LRRTM4: variants seen among roughly 807,000 people sequenced by gnomAD.
LRRTM4 encodes leucine rich repeat transmembrane neuronal 4, also known as leucine-rich repeat transmembrane neuronal protein 4.
LRRTM4 carries 25 observed loss-of-function variants against 47.6 expected under a neutral mutation model. The ratio of observed to expected loss-of-function variants is 0.53; its 90% confidence interval spans 0.38 to 0.73. The LOEUF (loss-of-function observed/expected upper bound fraction) is 0.73, where lower values mean the gene tolerates loss of function less well. Ranked by LOEUF, LRRTM4 falls within the 30% of genes least tolerant of loss-of-function variation. LRRTM4 has a pLI of 0.00. For missense variants in LRRTM4, 638 were observed against 713.4 expected (o/e 0.89, Z 1.20); for synonymous variants, 311 against 269.5 (o/e 1.15, Z -1.51).
intron 3 of LRRTM4, among the ~76,000 whole-genome samples, chr2:76,976,135 A>G (rs1027312511): frequency 6.6e-6 from 1 of 151,798 alleles, no homozygotes; most frequent in Non-Finnish European, 1.5e-5. Flanking sequence ...GTTTTTAGAC[A>G]TGCTCTGTAA....
intron 3 of LRRTM4, among the ~76,000 whole-genome samples, chr2:77,184,131 T>G (rs986009731): frequency 1.3e-5 from 2 of 151,852 alleles, no homozygotes; most frequent in African/African-American, 4.8e-5. Flanking sequence ...AATCAGAATA[T>G]ATCTAGTAAA....
rs754540782 is a variant in LRRTM4 at position 77,207,866 on chromosome 2, C to CTTTTTTTTTTTTTT, written c.1551+310438_1551+310451dup. Among the ~76,000 whole-genome samples the CTTTTTTTTTTTTTT allele has an allele frequency of 4.2e-4, 18 of 42,612 alleles. 3 individuals are homozygous for CTTTTTTTTTTTTTT. The highest frequency in any genetic ancestry group is 5.6e-4 in the Non-Finnish European group (14 of 24,880). 28.0% of individuals were successfully genotyped at this position (42,612 alleles called of 152,430 possible). On this transcript the variant is annotated intron_variant, in intron 3 of 3. Transcript: ENST00000409884. ...ATGAAAGTTGAATAAGGGAAAGTGGCTTTTTTTTTTTTTTTTTTTTTTTTT... is the reference window on the plus strand; with the variant it reads ...ATGAAAGTTGAATAAGGGAAAGTGGCTTTTTTTTTTTTTTTTTTTTTTTTTTTTTTTTTTTTTTT...
intron 3 of LRRTM4, among the ~76,000 whole-genome samples, chr2:77,363,300 ATAT>A (rs949001505): frequency 6.6e-6 from 1 of 152,234 alleles, no homozygotes. Context: ...TTGGAATTGA[ATAT>A]TAAAAAGAAA....
chr2:77,377,672 A>G (rs1310531964), intron 3 of LRRTM4, among the ~76,000 whole-genome samples: 4 of 152,006 alleles, frequency 2.6e-5, no homozygotes, highest in African/African-American at 9.7e-5. Context: ...ACAGCTAAAA[A>G]CTAAATCTTA....
At chr2:76,781,726 C>T (rs528721621) in intron 3 of LRRTM4, among the ~76,000 whole-genome samples, 160 of 150,636 alleles carry the variant, frequency 1.1e-3, no homozygotes, top group African/African-American at 3.7e-3. Context: ...GCGTCGCTCA[C>T]GCTGGGAGCT....
chr2:77,062,481 G>T (rs938705329), intron 3 of LRRTM4, among the ~76,000 whole-genome samples: 2 of 152,090 alleles, frequency 1.3e-5, no homozygotes, highest in African/African-American at 4.8e-5. Flanking sequence ...ATTTTAATCA[G>T]TGTTTAAACT....
chr2:76,974,173 C>CATATATATACATACATAT (rs1676322752), intron 3 of LRRTM4, among the ~76,000 whole-genome samples: 1 of 130,344 alleles, frequency 7.7e-6, no homozygotes, highest in African/African-American at 3.0e-5. Flanking sequence ...TATATACATA[C>CATATATATACATACATAT]ATATATATAC....
intron 3 of LRRTM4, among the ~76,000 whole-genome samples, chr2:76,892,510 T>C (rs778177230): frequency 6.6e-6 from 1 of 151,758 alleles, no homozygotes; most frequent in East Asian, 1.9e-4. Context: ...TTTCTCCTAA[T>C]TTATGCTTTC....
chr2:77,483,465 C>T (rs1418156962), intron 3 of LRRTM4, among the ~76,000 whole-genome samples: 1 of 152,010 alleles, frequency 6.6e-6, no homozygotes, highest in Non-Finnish European at 1.5e-5. Context: ...CTCAGCCTCC[C>T]AAGTAGCTGG....
At chr2:76,818,871 T>C (rs1670974575) in intron 3 of LRRTM4, among the ~76,000 whole-genome samples, 1 of 151,752 alleles carries the variant, frequency 6.6e-6, no homozygotes, top group African/African-American at 2.4e-5. Context: ...AGGTTAAAAG[T>C]TGAGGTATAT....
At chr2:77,471,881 T>C (rs536544553) in intron 3 of LRRTM4, among the ~76,000 whole-genome samples, 1 of 152,308 alleles carries the variant, frequency 6.6e-6, no homozygotes, top group African/African-American at 2.4e-5. Flanking sequence ...GTTTATCTAA[T>C]TATGTGTAAA....
At chr2:77,333,040 G>C (rs1295264448) in intron 3 of LRRTM4, among the ~76,000 whole-genome samples, 1 of 152,134 alleles carries the variant, frequency 6.6e-6, no homozygotes, top group Non-Finnish European at 1.5e-5. Context: ...AAAAATGGCA[G>C]TTTTTGTGCA....
intron 3 of LRRTM4, among the ~76,000 whole-genome samples, chr2:77,000,764 C>G (rs1053169984): frequency 6.6e-6 from 1 of 152,046 alleles, no homozygotes; most frequent in Non-Finnish European, 1.5e-5. Context: ...TTCTTCATAA[C>G]TATTATTTAG....
At chr2:77,494,673 G>A (rs974821553) in intron 3 of LRRTM4, among the ~76,000 whole-genome samples, 1 of 151,700 alleles carries the variant, frequency 6.6e-6, no homozygotes, top group African/African-American at 2.4e-5. Flanking sequence ...AATATACTAC[G>A]CATTTTAAAC....
chr2:77,311,001 TAG>T (rs566325945), intron 3 of LRRTM4, among the ~76,000 whole-genome samples: 1 of 151,798 alleles, frequency 6.6e-6, no homozygotes, highest in African/African-American at 2.4e-5. Context: ...CATATATATA[TAG>T]AGAGAGAATA....
intron 3 of LRRTM4, among the ~76,000 whole-genome samples, chr2:77,180,741 T>C (rs190522387): frequency 1.3e-5 from 2 of 152,264 alleles, no homozygotes; most frequent in East Asian, 3.9e-4. Flanking sequence ...TACTGTGAAT[T>C]GATGATATCT....
chr2:77,491,654 T>G (rs1437200674), intron 3 of LRRTM4, among the ~76,000 whole-genome samples: 2 of 151,516 alleles, frequency 1.3e-5, no homozygotes. Flanking sequence ...AAAAAGAATA[T>G]TAAAATTATA....
chr2:77,310,197 G>A (rs115379954), intron 3 of LRRTM4, among the ~76,000 whole-genome samples: 2,264 of 152,002 alleles, frequency 0.015, 51 homozygotes, highest in African/African-American at 0.052. Flanking sequence ...GTGTATGTAC[G>A]GGGAAGGACA....
At chr2:77,363,428 C>A (rs890288056) in intron 3 of LRRTM4, among the ~76,000 whole-genome samples, 1 of 152,194 alleles carries the variant, frequency 6.6e-6, no homozygotes, top group African/African-American at 2.4e-5. Context: ...CAGACTCCAG[C>A]GTTGTCCCTA....
Sources: allele counts gnomAD v4.1 joint callset (sites outside exome capture counted in the v4.1 genomes callset), GRCh38; gene constraint gnomAD v4.1.1; transcripts MANE v1.5; gene names NCBI Gene and HGNC (gene_info 2026-07-23, HGNC 2026-07-21).